Variants in OPHN1 observed in about 807,000 individuals in gnomAD.
The protein encoded by OPHN1 is oligophrenin-1.
In OPHN1, 11 loss-of-function variants were observed where a neutral mutation model predicts 60.7. That is an observed-to-expected ratio of 0.18 (90% CI 0.11 to 0.30). The LOEUF (loss-of-function observed/expected upper bound fraction) is 0.30, where lower values mean the gene tolerates loss of function less well. Among genes scored for constraint, OPHN1 ranks in the 10% least tolerant of loss-of-function variants. The probability of loss-of-function intolerance (pLI) is 1.00; values close to 1 mark genes in which losing one functional copy is unlikely to be tolerated. For missense variants in OPHN1, 449 were observed against 611.0 expected (o/e 0.73, Z 2.80); for synonymous variants, 226 against 222.6 (o/e 1.02, Z -0.14).
chrX:68,297,409 G>A (rs760849982), intron 3 of OPHN1, among the ~76,000 whole-genome samples: 1 of 111,454 alleles, frequency 9.0e-6, no homozygotes, highest in East Asian at 2.8e-4. Context: ...CTTTTAAATA[G>A]TCATGCACTT....
intron 15 of OPHN1, among the ~76,000 whole-genome samples, chrX:68,179,144 T>C (rs1162060734): frequency 8.9e-6 from 1 of 112,109 alleles, no homozygotes. Flanking sequence ...TTTTCTTCCA[T>C]TTTATTATAC....
chrX:68,293,444 C>G (rs991897381), intron 3 of OPHN1, among the ~76,000 whole-genome samples: 2 of 111,977 alleles, frequency 1.8e-5, no homozygotes, highest in African/African-American at 6.5e-5. Flanking sequence ...AGAAGTCTGA[C>G]CTTAAATCAA....
chrX:68,155,574 A>G (rs1408005717), intron 15 of OPHN1, among the ~76,000 whole-genome samples: 1 of 112,203 alleles, frequency 8.9e-6, no homozygotes, highest in East Asian at 2.8e-4. Flanking sequence ...CAAATTACCC[A>G]GTCTCGGGTA....
chrX:68,224,984 G>A (rs1203391027), intron 6 of OPHN1, among the ~76,000 whole-genome samples: 8 of 112,359 alleles, frequency 7.1e-5, no homozygotes, highest in Middle Eastern at 4.6e-3. Context: ...AAGGGAAGCT[G>A]TGACAGACAG....
chrX:68,186,616 T>C (rs1486086139), intron 15 of OPHN1, among the ~76,000 whole-genome samples: 2 of 111,679 alleles, frequency 1.8e-5, no homozygotes, highest in Non-Finnish European at 3.8e-5. Context: ...GAAAACATGG[T>C]ATCTTAGTCA....
intron 2 of OPHN1, among the ~76,000 whole-genome samples, chrX:68,414,935 A>G (rs1404803354): frequency 3.6e-5 from 4 of 112,492 alleles, no homozygotes; most frequent in Non-Finnish European, 5.6e-5. Context: ...GAATAAAAAA[A>G]GAAGAAGACT....
chrX:68,143,324 A>G (rs897776118), intron 15 of OPHN1, among the ~76,000 whole-genome samples: 4 of 112,000 alleles, frequency 3.6e-5, no homozygotes, highest in Non-Finnish European at 7.5e-5. Flanking sequence ...TTACAGAGAG[A>G]AGCTCCCTAG....
chrX:68,413,732 C>A (rs776633100), intron 2 of OPHN1, among the ~76,000 whole-genome samples: 1 of 46,202 alleles, frequency 2.2e-5, no homozygotes, highest in Non-Finnish European at 5.5e-5. Flanking sequence ...ATAATGAGAC[C>A]CCCATCTCTA....
chrX:68,190,648 A>G (rs2077484048), intron 15 of OPHN1, among the ~76,000 whole-genome samples: 2 of 112,056 alleles, frequency 1.8e-5, no homozygotes, highest in South Asian at 3.7e-4. Flanking sequence ...ATTAAAGCCC[A>G]TAAGAGAATC....
At chrX:68,266,736 T>A (rs774706573) in intron 5 of OPHN1, among the ~76,000 whole-genome samples, 9 of 111,213 alleles carry the variant, frequency 8.1e-5, no homozygotes, top group Non-Finnish European at 1.3e-4. Context: ...GACTGGCAAA[T>A]TGGATAAAGA....
chrX:68,130,800 C>T (rs1382959441), intron 15 of OPHN1, among the ~76,000 whole-genome samples: 1 of 111,674 alleles, frequency 9.0e-6, no homozygotes, highest in Non-Finnish European at 1.9e-5. Flanking sequence ...CACTCATATT[C>T]CCTCTTCAAG....
At chrX:68,140,529 G>C (rs776580502) in intron 15 of OPHN1, among the ~76,000 whole-genome samples, 1 of 110,381 alleles carries the variant, frequency 9.1e-6, no homozygotes, top group Non-Finnish European at 1.9e-5. Context: ...CCTGGTGAGG[G>C]TGATACAGAA....
chrX:68,073,914 C>T (rs1602138484), intron 19 of OPHN1, among the ~76,000 whole-genome samples: 1 of 112,472 alleles, frequency 8.9e-6, no homozygotes, highest in African/African-American at 3.2e-5. Flanking sequence ...GGTACATTAT[C>T]TATTCAATAA....
intron 15 of OPHN1, among the ~76,000 whole-genome samples, chrX:68,187,378 A>C (rs1327985009): frequency 5.4e-5 from 6 of 110,498 alleles, no homozygotes. Flanking sequence ...AAAGCAGAAG[A>C]GGAAGGCAGA....
intron 2 of OPHN1, among the ~76,000 whole-genome samples, chrX:68,394,150 C>T (rs2078671546): frequency 9.0e-6 from 1 of 110,617 alleles, no homozygotes; most frequent in South Asian, 3.8e-4. Context: ...CCGCCTCGGC[C>T]TCCCAAAGTG....
At chrX:68,115,361 G>T (rs2077122538) in intron 16 of OPHN1, among the ~76,000 whole-genome samples, 1 of 111,755 alleles carries the variant, frequency 8.9e-6, no homozygotes, top group Non-Finnish European at 1.9e-5. Flanking sequence ...TTATTTCCTG[G>T]TCCCTGTAGA....
At chrX:68,337,506 T>G (rs905123629) in intron 2 of OPHN1, among the ~76,000 whole-genome samples, 10 of 111,555 alleles carry the variant, frequency 9.0e-5, no homozygotes, top group Admixed American at 5.8e-4. Context: ...TAAATTTGTT[T>G]AAGTGCAAAA....
chrX:68,385,315 A>T (rs2078618911), intron 2 of OPHN1, among the ~76,000 whole-genome samples: 1 of 111,380 alleles, frequency 9.0e-6, no homozygotes, highest in Admixed American at 9.6e-5. Context: ...GCTTGGCACA[A>T]TGGCTGCGGG....
chrX:68,414,963 T>C (rs2078786922), intron 2 of OPHN1, among the ~76,000 whole-genome samples: 1 of 112,131 alleles, frequency 8.9e-6, no homozygotes, highest in South Asian at 3.7e-4. Context: ...AGCCCTGCAG[T>C]CCAAAAGTTA....
Sources: allele counts gnomAD v4.1 joint callset (sites outside exome capture counted in the v4.1 genomes callset), GRCh38; gene constraint gnomAD v4.1.1; transcripts MANE v1.5; gene names NCBI Gene and HGNC (gene_info 2026-07-23, HGNC 2026-07-21).